Variants in GRIA2 observed in about 807,000 individuals in gnomAD.
GRIA2 encodes the protein glutamate ionotropic receptor AMPA type subunit 2, also known as glutamate receptor 2.
A neutral mutation model predicts 97.3 loss-of-function variants in GRIA2; 14 were observed. That is an observed-to-expected ratio of 0.14 (90% CI 0.10 to 0.23). The LOEUF (loss-of-function observed/expected upper bound fraction) is 0.23, where lower values mean the gene tolerates loss of function less well. Among genes scored for constraint, GRIA2 ranks in the 10% least tolerant of loss-of-function variants. The pLI, the probability that GRIA2 is intolerant of heterozygous loss-of-function variation, is 1.00. For missense variants in GRIA2, 558 were observed against 1,069.8 expected, an observed-to-expected ratio of 0.52 and a Z score of 6.67; for synonymous variants, 412 against 387.8, an observed-to-expected ratio of 1.06 and a Z score of -0.73.
intron 12 of GRIA2, among the ~76,000 whole-genome samples, chr4:157,354,772 G>A (rs1322392348): frequency 6.6e-6 from 1 of 152,110 alleles, no homozygotes; most frequent in African/African-American, 2.4e-5. Flanking sequence ...GCTCCATTAG[G>A]GTAGTGCGTA....
chr4:157,236,780 G>A (rs1246417391), intron 2 of GRIA2, among the ~76,000 whole-genome samples: 1 of 151,968 alleles, frequency 6.6e-6, no homozygotes, highest in Non-Finnish European at 1.5e-5. Context: ...CTATGTATGT[G>A]TGTGTGCATA....
At chr4:157,317,470 T>G (rs1349163035) in intron 4 of GRIA2, among the ~76,000 whole-genome samples, 188 bp from the exon 5 acceptor site, 1 of 152,158 alleles carries the variant, frequency 6.6e-6, no homozygotes, top group African/African-American at 2.4e-5. Context: ...ATATGTATTA[T>G]TACTTTTTAT....
rs536420588 is a variant in GRIA2 at position 157,231,433 on chromosome 4, T to TC, written c.229+9629dup. On this transcript the variant is annotated intron_variant, in intron 2 of 15. Coordinates refer to ENST00000264426, the MANE Select transcript of GRIA2 (RefSeq NM_001083619.3). ...CTTAAGCGATCCTGTCACCTTGGCC[T>TC]CCCAAAGCACTGAGATTACAGGCAT... Among the ~76,000 whole-genome samples the TC allele has an allele frequency of 9.9e-5, 15 of 152,206 alleles. No homozygotes were observed. The East Asian group carries it at 2.9e-3, about 29-fold the overall frequency.
intron 2 of GRIA2, among the ~76,000 whole-genome samples, chr4:157,285,642 A>G (rs190204488): frequency 4.0e-5 from 6 of 151,010 alleles, no homozygotes; most frequent in Admixed American, 6.6e-5. Flanking sequence ...TGAAGAGTCT[A>G]TTTCCCTCAA....
intron 2 of GRIA2, among the ~76,000 whole-genome samples, chr4:157,302,293 C>A (rs1444990018): frequency 2.6e-5 from 4 of 151,998 alleles, no homozygotes; most frequent in Non-Finnish European, 4.4e-5. Context: ...ACAAAGTAAC[C>A]CTTTTTCTCG....
intron 12 of GRIA2, among the ~76,000 whole-genome samples, chr4:157,347,838 A>T (rs1239361794): frequency 1.3e-5 from 2 of 152,194 alleles, no homozygotes; most frequent in Non-Finnish European, 1.5e-5. Flanking sequence ...GACTTTTGAT[A>T]TTTGAAGGAA....
chr4:157,273,233 C>T (rs1404054488), intron 2 of GRIA2, among the ~76,000 whole-genome samples: 1 of 152,022 alleles, frequency 6.6e-6, no homozygotes, highest in Non-Finnish European at 1.5e-5. Flanking sequence ...AGAGCATCCA[C>T]ATATTTTGGT....
intron 12 of GRIA2, among the ~76,000 whole-genome samples, chr4:157,344,417 A>G (rs899524479): frequency 3.3e-5 from 5 of 152,076 alleles, no homozygotes; most frequent in Non-Finnish European, 7.4e-5. Flanking sequence ...TGACAGACTG[A>G]TTATTATGGT....
chr4:157,361,493 T>G lies in GRIA2; in HGVS notation c.2406+369T>G. ...AATCAGTATTATGTAATGAATAACA[T>G]AAAATAACATTGATAATGTTATTTA... On this transcript the variant is annotated intron_variant, in intron 14 of 15. Transcript: ENST00000264426. This position sits in a 1 kb window ranked among gnomAD's most constrained non-coding sequence, Gnocchi z 5.2. 1 of 1,323,998 alleles carries G rather than the reference T, an allele frequency of 7.6e-7. No homozygotes were observed. The highest frequency in any genetic ancestry group is 1.1e-6 in the Non-Finnish European group (1 of 918,804). The allele number at this position is 1,323,998 out of a possible 1,614,324, so 82.0% of individuals were successfully genotyped here. A position where few individuals can be genotyped will look rare whatever the true frequency, so the allele number is the denominator to read the frequency against.
chr4:157,222,055 G>C (rs952950941), intron 2 of GRIA2, among the ~76,000 whole-genome samples: 2 of 152,068 alleles, frequency 1.3e-5, no homozygotes, highest in Non-Finnish European at 2.9e-5. Flanking sequence ...TTAGGGAGCC[G>C]GGGTGAGGGT....
intron 2 of GRIA2, among the ~76,000 whole-genome samples, chr4:157,230,343 A>G (rs1453252568): frequency 1.3e-5 from 2 of 152,180 alleles, no homozygotes; most frequent in Non-Finnish European, 2.9e-5. Flanking sequence ...AAGGTAAGGG[A>G]AAATATTTTT....
chr4:157,303,479 C>T (rs574784432), intron 2 of GRIA2, 73 bp from the exon 3 acceptor site: 238 of 1,263,040 alleles, frequency 1.9e-4, no homozygotes, highest in South Asian at 8.3e-4. Context: ...AAGGACATTA[C>T]GTTTTAAGCA....
intron 12 of GRIA2, among the ~76,000 whole-genome samples, chr4:157,347,720 G>C (rs1236901686): frequency 6.6e-6 from 1 of 152,172 alleles, no homozygotes; most frequent in African/African-American, 2.4e-5. Flanking sequence ...CATGGTCCCA[G>C]AGCTCTATAG....
Position 157,221,670 on chromosome 4 carries a change from G to T in GRIA2, c.92G>T (p.Gly31Val). ...GVSSNSIQIG[G>V]LFPRGADQEY... ...GCTTGCTGTTTGTTCTTTGCAGGGG[G>T]GCTATTTCCTAGGGGCGCCGATCAA... The change falls in exon 2 of 16, where the codon GGG becomes GTG. Residue 31 changes from glycine (G) to valine (V), a missense_variant. By Grantham distance (109) the Gly-to-Val change is moderately radical. Transcript: ENST00000264426. The T allele has an allele frequency of 6.2e-7, 1 of 1,614,058 alleles. No individual in the cohort carries two copies. The highest frequency in any genetic ancestry group is 8.5e-7 in the Non-Finnish European group (1 of 1,179,974).
At chr4:157,263,579 A>T (rs1022755753) in intron 2 of GRIA2, among the ~76,000 whole-genome samples, 8 of 151,984 alleles carry the variant, frequency 5.3e-5, no homozygotes. Flanking sequence ...ACTTCTGAAG[A>T]TTTTAGCATA....
intron 2 of GRIA2, among the ~76,000 whole-genome samples, chr4:157,272,085 T>A (rs1327329293): frequency 1.3e-5 from 2 of 152,114 alleles, no homozygotes; most frequent in Non-Finnish European, 2.9e-5. Flanking sequence ...GTTTGTTTTT[T>A]AAAATAGCTT....
chr4:157,331,819 G>C (rs935115507), intron 6 of GRIA2, among the ~76,000 whole-genome samples: 4 of 151,942 alleles, frequency 2.6e-5, no homozygotes, highest in African/African-American at 9.7e-5. Flanking sequence ...TATCATTTTT[G>C]AGAGTGAAAG....
intron 2 of GRIA2, among the ~76,000 whole-genome samples, chr4:157,303,252 A>C (rs1207677768): frequency 1.3e-5 from 2 of 152,050 alleles, no homozygotes; most frequent in African/African-American, 4.8e-5. Flanking sequence ...AATTTTTTTT[A>C]CCCATACATT....
chr4:157,245,253 A>G (rs1410183771), intron 2 of GRIA2, among the ~76,000 whole-genome samples: 1 of 152,044 alleles, frequency 6.6e-6, no homozygotes, highest in Non-Finnish European at 1.5e-5. Flanking sequence ...GTAATAATTA[A>G]GGTGGCATCA....
Sources: gnomAD v4.1 joint callset for allele counts (sites outside exome capture counted in the v4.1 genomes callset) on GRCh38, gnomAD v4.1.1 for gene constraint, Gnocchi (gnomAD v3.1) non-coding constraint, MANE v1.5 for transcripts, NCBI Gene and HGNC (gene_info 2026-07-23, HGNC 2026-07-21) for gene names.